The following TRPV1 variants were observed in gnomAD, a reference collection of about 807,000 sequenced individuals.
TRPV1 encodes the protein OTRPC1.
In TRPV1, 82 loss-of-function variants were observed where a neutral mutation model predicts 82.3. The ratio of observed to expected loss-of-function variants is 1.00; its 90% confidence interval spans 0.83 to 1.20. The LOEUF is 1.20. Ranked by LOEUF, TRPV1 falls within the 50% of genes most tolerant of loss-of-function variation. The pLI is 0.00. For missense variants in TRPV1, 1,067 were observed against 1,096.8 expected (o/e 0.97, Z 0.38); for synonymous variants, 515 against 467.7 (o/e 1.10, Z -1.30).
intron 2 of TRPV1, among the ~76,000 whole-genome samples, chr17:3,595,450 A>G (rs1270993713): frequency 1.3e-5 from 2 of 152,096 alleles, no homozygotes; most frequent in South Asian, 2.1e-4. Flanking sequence ...CTGGGGGCCA[A>G]TCAGAATAGG....
chr17:3,569,783 G>A (rs1210130176), intron 16 of TRPV1, among the ~76,000 whole-genome samples: 4 of 152,190 alleles, frequency 2.6e-5, no homozygotes, highest in African/African-American at 9.6e-5. Flanking sequence ...GAGTGGCTCA[G>A]AGTATTTAAA....
chr17:3,573,917 G>A lies in TRPV1; in HGVS notation c.1819C>T (p.Leu607=). The A allele has an allele frequency of 6.2e-7, 1 of 1,607,916 alleles. No individual in the cohort carries two copies. The highest frequency in any genetic ancestry group is 8.5e-7 in the Non-Finnish European group (1 of 1,178,294). The change falls in exon 14 of 17, where the codon CTG becomes TTG. Residue 607 remains leucine (L), a synonymous_variant. Coordinates refer to ENST00000572705, the MANE Select transcript of TRPV1 (RefSeq NM_080704.4). ...TLIEDGKNDS[L]PSESTSHRWR... ...CTGTGCGACGTGGACTCAGACGGCA[G>A]GGAGTCATTCTTCCCGTCTTCAATC...
chr17:3,605,474 C>T (rs2075291025), intron 2 of TRPV1, among the ~76,000 whole-genome samples: 1 of 151,598 alleles, frequency 6.6e-6, no homozygotes, highest in South Asian at 2.1e-4. Flanking sequence ...CGCACCACTG[C>T]ACTCCAGCCT....
chr17:3,594,924 G>A (rs2075204745), intron 2 of TRPV1, among the ~76,000 whole-genome samples: 1 of 152,184 alleles, frequency 6.6e-6, no homozygotes, highest in Non-Finnish European at 1.5e-5. Context: ...CTGAAGAACG[G>A]GAAGTCAGTG....
chr17:3,605,183 T>C (rs933030309), intron 2 of TRPV1, among the ~76,000 whole-genome samples: 2 of 152,110 alleles, frequency 1.3e-5, no homozygotes, highest in Non-Finnish European at 2.9e-5. Context: ...TATCTCTCCA[T>C]GTGTGAAATG....
intron 7 of TRPV1, 32 bp downstream of exon 7, chr17:3,589,775 C>A (rs772623701): frequency 6.3e-7 from 1 of 1,585,768 alleles, no homozygotes. Context: ...CAGCCCCGCA[C>A]CGCACCAGCC....
At chr17:3,589,025 C>A (rs7220415) in intron 7 of TRPV1, 906,343 of 1,468,368 alleles carry the variant, frequency 0.62, 284,316 homozygotes, top group African/African-American at 0.66. Flanking sequence ...GTGGCTCATG[C>A]CTGTAATCCC....
intron 16 of TRPV1, among the ~76,000 whole-genome samples, chr17:3,571,106 G>A (rs2074846161): frequency 1.3e-5 from 2 of 152,204 alleles, no homozygotes; most frequent in Admixed American, 6.5e-5. Flanking sequence ...TGAGTGACAA[G>A]TGTTCCCGTC....
Position 3,588,272 on chromosome 17 carries a change from G to A in TRPV1, c.1140C>T (p.Ser380=). 6.3e-7 allele frequency: 1 copy of A among 1,581,068 alleles called. No individual in the cohort carries two copies. The highest frequency in any genetic ancestry group is 8.6e-7 in the Non-Finnish European group (1 of 1,164,116). ...FTEWAYGPVH[S]SLYDLSCIDT... is the part of the protein sequence containing the mutation. ...CGATGCAGGACAGGTCGTACAGCGA[G>A]GAGTGCACGGGCCCGTAGGCCCACT... is the stretch of plus-strand genomic sequence containing the variant. Residue 380 remains serine, a synonymous_variant, in exon 8 of 17, where the codon TCC becomes TCT. Transcript: ENST00000572705.
intron 10 of TRPV1, among the ~76,000 whole-genome samples, chr17:3,581,926 C>G (rs1171425508): frequency 1.4e-5 from 2 of 144,606 alleles, no homozygotes; most frequent in Non-Finnish European, 3.0e-5. Flanking sequence ...CACAGTGGCT[C>G]ACACCTGTAA....
intron 7 of TRPV1, chr17:3,589,099 G>A: frequency 3.8e-6 from 3 of 781,532 alleles, no homozygotes; most frequent in East Asian, 2.7e-5. Flanking sequence ...CTGTCACCAG[G>A]AGCCACCAGC....
At chr17:3,586,003 C>T in intron 8 of TRPV1, 77 bp from the exon 9 acceptor site, 1 of 1,567,984 alleles carries the variant, frequency 6.4e-7, no homozygotes, top group South Asian at 1.2e-5. Flanking sequence ...CCGTGGTGCC[C>T]CTCACAGCCA....
At chr17:3,605,713 C>A (rs988633575) in intron 2 of TRPV1, among the ~76,000 whole-genome samples, 1 of 152,070 alleles carries the variant, frequency 6.6e-6, no homozygotes, top group African/African-American at 2.4e-5. Context: ...GTGTCTTTTT[C>A]TTTTCCTAGG....
At position 3,588,248 on chromosome 17, in the gene TRPV1, G is replaced by A. The variant is rs763544559; in HGVS notation, c.1164C>T (p.Ile388=). ...VHSSLYDLSC[I]DTCEKNSVLE... ...GCACCGAGTTCTTCTCGCAGGTGTCGATGCAGGACAGGTCGTACAGCGAGG... is the reference window on the plus strand; with the variant it reads ...GCACCGAGTTCTTCTCGCAGGTGTCAATGCAGGACAGGTCGTACAGCGAGG... The change falls in exon 8 of 17, where the codon ATC becomes ATT. Residue 388 remains isoleucine (I), a synonymous_variant. Coordinates refer to ENST00000572705, the MANE Select transcript of TRPV1 (RefSeq NM_080704.4). 8.2e-6 allele frequency: 13 copies of A among 1,582,040 alleles called. No homozygotes were observed. The East Asian group carries it at 9.3e-5, about 11-fold the overall frequency.
intron 16 of TRPV1, among the ~76,000 whole-genome samples, chr17:3,567,535 T>A (rs1420487733): frequency 6.6e-6 from 1 of 152,068 alleles, no homozygotes; most frequent in Non-Finnish European, 1.5e-5. Flanking sequence ...ATTCTCTTCC[T>A]CCATCCCACC....
At chr17:3,576,668 A>AAAAAAAAATATATATAT in intron 13 of TRPV1, among the ~76,000 whole-genome samples, 14 of 38,400 alleles carry the variant, frequency 3.6e-4, no homozygotes, top group African/African-American at 4.4e-4. Context: ...AAAAAAAAAA[A>AAAAAAAAATATATATAT]ATATATATAT....
At chr17:3,568,054 G>A (rs563048873) in intron 16 of TRPV1, among the ~76,000 whole-genome samples, 111 of 152,296 alleles carry the variant, frequency 7.3e-4, no homozygotes, top group Non-Finnish European at 1.2e-3. Context: ...CGGGCGCGGT[G>A]GCTCACGCCT....
intron 5 of TRPV1, among the ~76,000 whole-genome samples, chr17:3,590,618 G>A (rs2075145041): frequency 6.6e-6 from 1 of 152,226 alleles, no homozygotes; most frequent in Admixed American, 6.5e-5. Context: ...CGGGTTGGAA[G>A]CCAGAGGAGT....
At chr17:3,579,790 A>G (rs1341751377) in intron 11 of TRPV1, among the ~76,000 whole-genome samples, 3 of 152,126 alleles carry the variant, frequency 2.0e-5, no homozygotes, top group South Asian at 2.1e-4. Flanking sequence ...AAACTGTTCT[A>G]TAACTGTGCT....
Sources: gnomAD v4.1 joint callset for allele counts (sites outside exome capture counted in the v4.1 genomes callset) on GRCh38, gnomAD v4.1.1 for gene constraint, MANE v1.5 for transcripts, NCBI Gene and HGNC (gene_info 2026-07-23, HGNC 2026-07-21) for gene names.